ESRP1: variants seen among roughly 807,000 people sequenced by gnomAD.
ESRP1 encodes epithelial splicing regulatory protein 1, also known as RNA-binding motif protein 35A.
ESRP1 carries 33 observed loss-of-function variants against 81.7 expected under a neutral mutation model. The observed-to-expected ratio is 0.40, with a 90% CI of 0.31 to 0.54. ESRP1 has a LOEUF of 0.54. Among genes scored for constraint, ESRP1 ranks in the 20% least tolerant of loss-of-function variants. The probability of loss-of-function intolerance (pLI) is 0.41; values close to 1 mark genes in which losing one functional copy is unlikely to be tolerated. For missense variants in ESRP1, 672 were observed against 833.1 expected (o/e 0.81, Z 2.38); for synonymous variants, 320 against 303.3 (o/e 1.06, Z -0.57).
intron 14 of ESRP1, among the ~76,000 whole-genome samples, chr8:94,695,193 T>G (rs1809549108): frequency 6.6e-6 from 1 of 152,084 alleles, no homozygotes; most frequent in African/African-American, 2.4e-5. Context: ...AAGTGTAATC[T>G]GTGTTTACCT....
At chr8:94,690,252 G>A (rs917556362) in intron 13 of ESRP1, among the ~76,000 whole-genome samples, 7 of 148,554 alleles carry the variant, frequency 4.7e-5, no homozygotes, top group Non-Finnish European at 1.0e-4. Flanking sequence ...TAGGATTACA[G>A]GCATGAGCTA....
At chr8:94,700,631 T>A (rs1397082614) in intron 15 of ESRP1, among the ~76,000 whole-genome samples, 1 of 152,230 alleles carries the variant, frequency 6.6e-6, no homozygotes, top group Non-Finnish European at 1.5e-5. Context: ...ACAGTATTTT[T>A]AAAAATATGT....
At chr8:94,689,400 G>A (rs1002281206) in intron 13 of ESRP1, among the ~76,000 whole-genome samples, 1 of 151,642 alleles carries the variant, frequency 6.6e-6, no homozygotes, top group Non-Finnish European at 1.5e-5. Flanking sequence ...TATTATTTTT[G>A]ATGCTATAGT....
intron 13 of ESRP1, among the ~76,000 whole-genome samples, chr8:94,682,932 A>ATATATATAT (rs1808974140): frequency 4.4e-4 from 8 of 18,084 alleles, no homozygotes; most frequent in East Asian, 1.6e-3. Context: ...ATATATATAT[A>ATATATATAT]TTTTTTTTTT....
chr8:94,696,865 A>G lies in ESRP1; in HGVS notation c.1985A>G (p.Asp662Gly). The G allele has an allele frequency of 1.3e-6, 2 of 1,591,198 alleles. No homozygotes were observed. Among genetic ancestry groups the G allele is most frequent in the African/African-American group, 2.7e-5 (2 of 74,628 alleles). The change falls in exon 15 of 16, where the codon GAT (aspartate) becomes GGT (glycine). Residue 662 changes from aspartate (D) to glycine (G), a missense_variant. Transcript: ENST00000433389. ...CTTGCATTTTAGTATGCAACCGAGG[A>G]TGGACTTATACACACAAATGACCAG... Reference protein sequence around the residue: ...FFQGYQYATEDGLIHTNDQAR... With the variant: ...FFQGYQYATEGGLIHTNDQAR...
At chr8:94,659,267 A>C (rs1473032715) in intron 4 of ESRP1, among the ~76,000 whole-genome samples, 1 of 152,168 alleles carries the variant, frequency 6.6e-6, no homozygotes, top group Admixed American at 6.5e-5. Context: ...TTTTCCAACA[A>C]CATTTGCTCA....
intron 1 of ESRP1, 114 bp from the exon 2 acceptor site, chr8:94,641,842 G>A: frequency 6.7e-7 from 1 of 1,487,010 alleles, no homozygotes; most frequent in Non-Finnish European, 9.0e-7. Flanking sequence ...CTTTGATTCT[G>A]CGTCCGGACC....
intron 4 of ESRP1, among the ~76,000 whole-genome samples, chr8:94,647,546 T>TG (rs1273090675): frequency 6.6e-6 from 1 of 152,170 alleles, no homozygotes; most frequent in Non-Finnish European, 1.5e-5. Flanking sequence ...CCACCTTTTC[T>TG]GGGGGGATAG....
chr8:94,641,602 A>G (rs1053932792), intron 1 of ESRP1, 152 bp downstream of exon 1: 1 of 1,116,500 alleles, frequency 9.0e-7, no homozygotes. Flanking sequence ...GCTAGAGTAA[A>G]ACCAAACTTA....
chr8:94,705,762 G>C (rs1810044854), intron 15 of ESRP1, 163 bp from the exon 16 acceptor site: 1 of 645,922 alleles, frequency 1.5e-6, no homozygotes, highest in Non-Finnish European at 2.6e-6. Flanking sequence ...CCCTTGCCAT[G>C]TAAATGCCAA....
intron 13 of ESRP1, among the ~76,000 whole-genome samples, chr8:94,685,763 C>CCGGGGTGA (rs1377804491): frequency 1.3e-5 from 2 of 150,970 alleles, no homozygotes; most frequent in Non-Finnish European, 3.0e-5. Context: ...TGCTCTCCAG[C>CCGGGGTGA]CGGGGTGACA....
At chr8:94,700,362 TCAGA>T (rs988021466) in intron 15 of ESRP1, among the ~76,000 whole-genome samples, 1 of 152,004 alleles carries the variant, frequency 6.6e-6, no homozygotes, top group Non-Finnish European at 1.5e-5. Context: ...CAGAGGGAAA[TCAGA>T]CAGAGACACA....
intron 4 of ESRP1, among the ~76,000 whole-genome samples, chr8:94,648,970 C>T (rs1218834071): frequency 6.6e-6 from 1 of 152,172 alleles, no homozygotes; most frequent in African/African-American, 2.4e-5. Flanking sequence ...CCTGTAATCC[C>T]AGCACTTTGG....
intron 15 of ESRP1, among the ~76,000 whole-genome samples, chr8:94,702,292 A>G (rs1224284626): frequency 6.6e-6 from 1 of 151,884 alleles, no homozygotes; most frequent in African/African-American, 2.4e-5. Context: ...TGCTTTTTTG[A>G]TAGGTGTGTT....
intron 14 of ESRP1, among the ~76,000 whole-genome samples, chr8:94,694,361 C>T (rs1164358150): frequency 6.6e-6 from 1 of 152,114 alleles, no homozygotes; most frequent in Non-Finnish European, 1.5e-5. Context: ...AATCCCAGCA[C>T]TTTGGGAGAC....
At chr8:94,645,199 A>T (rs548905179) in intron 3 of ESRP1, among the ~76,000 whole-genome samples, 2 of 152,312 alleles carry the variant, frequency 1.3e-5, no homozygotes, top group South Asian at 4.1e-4. Flanking sequence ...TTCAAAATAC[A>T]GCATGAACAG....
chr8:94,659,918 C>A (rs1818633234), intron 4 of ESRP1, among the ~76,000 whole-genome samples: 1 of 152,132 alleles, frequency 6.6e-6, no homozygotes, highest in African/African-American at 2.4e-5. Flanking sequence ...TGGAGCAAGG[C>A]CTTAAGTCTC....
chr8:94,671,850 C>G (rs1202158463), intron 11 of ESRP1, among the ~76,000 whole-genome samples, 179 bp downstream of exon 11: 2 of 152,018 alleles, frequency 1.3e-5, no homozygotes, highest in Non-Finnish European at 2.9e-5. Flanking sequence ...TAAAATTAGT[C>G]TCACATCTAA....
At chr8:94,668,387 G>T (rs1489357179) in intron 10 of ESRP1, 137 bp downstream of exon 10, 27 of 827,868 alleles carry the variant, frequency 3.3e-5, no homozygotes, top group South Asian at 2.0e-5. Flanking sequence ...AAATAGTCTT[G>T]ATTCTATAAC....
Sources: gnomAD v4.1 joint callset for allele counts (sites outside exome capture counted in the v4.1 genomes callset) on GRCh38, gnomAD v4.1.1 for gene constraint, MANE v1.5 for transcripts, NCBI Gene and HGNC (gene_info 2026-07-23, HGNC 2026-07-21) for gene names.